PDS5A: variants seen among roughly 807,000 people sequenced by gnomAD.
The protein encoded by PDS5A is sister chromatid cohesion protein PDS5 homolog A.
PDS5A carries 42 observed loss-of-function variants against 167.1 expected under a neutral mutation model. The ratio of observed to expected loss-of-function variants is 0.25; its 90% CI spans 0.20 to 0.33. The LOEUF is 0.33. PDS5A is among the 10% of genes least tolerant of loss of function. The pLI is 1.00. For missense variants in PDS5A, 1,033 were observed against 1,605.9 expected (o/e 0.64, Z 6.10); for synonymous variants, 553 against 554.6 (o/e 1.00, Z 0.04).
At chr4:39,976,990 G>A (rs536856058) in intron 1 of PDS5A, among the ~76,000 whole-genome samples, 20 of 152,246 alleles carry the variant, frequency 1.3e-4, no homozygotes, top group African/African-American at 4.6e-4. Context: ...GTCCCGCCCG[G>A]CCAGTCCCCT....
At chr4:39,948,430 A>G (rs901255093) in intron 2 of PDS5A, among the ~76,000 whole-genome samples, 1 of 145,846 alleles carries the variant, frequency 6.9e-6, no homozygotes, top group East Asian at 2.0e-4. Flanking sequence ...GGTTCAAGCA[A>G]TTCTCTGCCT....
chr4:39,941,305 A>T (rs1296623178), intron 2 of PDS5A, among the ~76,000 whole-genome samples: 1 of 152,222 alleles, frequency 6.6e-6, no homozygotes, highest in African/African-American at 2.4e-5. Context: ...AAAACTTTAC[A>T]TGTATACCAA....
chr4:39,881,514 A>C (rs1054631337), intron 17 of PDS5A, among the ~76,000 whole-genome samples: 11 of 152,212 alleles, frequency 7.2e-5, no homozygotes, highest in African/African-American at 2.7e-4. Flanking sequence ...AACATTAAAA[A>C]AACAAATTGC....
At chr4:39,829,146 T>C (rs941724064) in intron 32 of PDS5A, among the ~76,000 whole-genome samples, 16 of 152,208 alleles carry the variant, frequency 1.1e-4, no homozygotes, top group African/African-American at 3.4e-4. Flanking sequence ...AGTTAGTTGG[T>C]TGAAACTGTA....
At chr4:39,905,410 T>G (rs931651754) in intron 11 of PDS5A, among the ~76,000 whole-genome samples, 1 of 150,080 alleles carries the variant, frequency 6.7e-6, no homozygotes, top group Non-Finnish European at 1.5e-5. Context: ...ACACAAAAAT[T>G]AGCCGGGCAT....
At chr4:39,883,712 T>A (rs772696937) in intron 17 of PDS5A, among the ~76,000 whole-genome samples, 1 of 152,122 alleles carries the variant, frequency 6.6e-6, no homozygotes, top group Non-Finnish European at 1.5e-5. Flanking sequence ...CTCAGCTCAC[T>A]GCAATCTCTG....
chr4:39,842,168 G>A, intron 30 of PDS5A, 112 bp from the exon 31 acceptor site: 1 of 644,534 alleles, frequency 1.6e-6, no homozygotes. Context: ...GACAATTGAA[G>A]CAACAATAGC....
At chr4:39,974,219 C>G in intron 2 of PDS5A, 1 of 568,792 alleles carries the variant, frequency 1.8e-6, no homozygotes, top group East Asian at 4.7e-5. Flanking sequence ...CAGACCTCAT[C>G]CATTCCAATA....
At position 39,862,487 on chromosome 4, in the gene PDS5A, TTTC is replaced by T. The variant is rs1719080137; in HGVS notation, c.2972-157_2972-155del. On this transcript the variant is annotated intron_variant, in intron 25 of 32. Transcript: ENST00000303538. Reference sequence around the variant, plus strand: ...AAATACTTTACACTTCACTTTTCAATTTCTTTTTCTGGTACCTGGTATGCAGTT... The same window carrying T: ...AAATACTTTACACTTCACTTTTCAATTTTTTCTGGTACCTGGTATGCAGTT... Among the ~76,000 whole-genome samples the T allele has an allele frequency of 2.0e-5, 3 of 152,342 alleles. No homozygotes were observed. In the South Asian group the frequency reaches 6.2e-4, roughly 32 times the overall value.
chr4:39,898,152 C>G, intron 16 of PDS5A: 1 of 1,219,960 alleles, frequency 8.2e-7, no homozygotes, highest in Non-Finnish European at 1.0e-6. Flanking sequence ...AGTACTTTAT[C>G]TTGTAAAATT....
chr4:39,867,569 A>G (rs1485233139), intron 22 of PDS5A, among the ~76,000 whole-genome samples: 2 of 150,872 alleles, frequency 1.3e-5, no homozygotes, highest in African/African-American at 4.9e-5. Context: ...AAAAAAAAAA[A>G]ATTAGTCAGG....
chr4:39,928,735 G>A (rs999736806), intron 2 of PDS5A, among the ~76,000 whole-genome samples: 3 of 151,824 alleles, frequency 2.0e-5, no homozygotes, highest in Admixed American at 2.0e-4. Flanking sequence ...TGAGATAGGA[G>A]GGTCCCTTGA....
intron 30 of PDS5A, among the ~76,000 whole-genome samples, chr4:39,843,638 A>G (rs1025156562): frequency 6.6e-6 from 1 of 152,122 alleles, no homozygotes; most frequent in South Asian, 2.1e-4. Flanking sequence ...CAGGAGGTGG[A>G]GGTTGCCGTG....
At chr4:39,927,207 G>A (rs76487136) in intron 3 of PDS5A, among the ~76,000 whole-genome samples, 1 of 152,148 alleles carries the variant, frequency 6.6e-6, no homozygotes, top group Non-Finnish European at 1.5e-5. Flanking sequence ...ATTTTAAGGA[G>A]TTGGATATGA....
chr4:39,947,756 T>C lies in PDS5A; in HGVS notation c.139-19592A>G, dbSNP rs111372321. The stretch of plus-strand genomic sequence containing the variant: ...ACCAAGCTTGTTTATAAGAACCCAC[T>C]TTTTGGGTAACTAATCCAGTCCCAG... On this transcript the variant is annotated intron_variant, in intron 2 of 32. Coordinates refer to ENST00000303538, the MANE Select transcript of PDS5A (RefSeq NM_001100399.2). 2.5e-3 allele frequency among the ~76,000 whole-genome samples: 383 copies of C among 152,226 alleles called. 2 individuals are homozygous for C. Among genetic ancestry groups the C allele is most frequent in the African/African-American group, 8.4e-3 (351 of 41,540 alleles).
chr4:39,940,347 T>A (rs1201284482), intron 2 of PDS5A, among the ~76,000 whole-genome samples: 2 of 151,866 alleles, frequency 1.3e-5, no homozygotes, highest in African/African-American at 4.8e-5. Context: ...AGGAAGAAGC[T>A]TATGATTGAG....
chr4:39,970,790 CTTTTTT>C (rs35223238), intron 2 of PDS5A, among the ~76,000 whole-genome samples: 3 of 88,490 alleles, frequency 3.4e-5, no homozygotes, highest in Non-Finnish European at 6.2e-5. Flanking sequence ...CCGCTTGTTC[CTTTTTT>C]TTTTTTTTTT....
At chr4:39,963,020 T>C (rs1484390798) in intron 2 of PDS5A, among the ~76,000 whole-genome samples, 2 of 150,608 alleles carry the variant, frequency 1.3e-5, no homozygotes, top group African/African-American at 4.9e-5. Context: ...TTTACCACAA[T>C]TAAAAAAAAA....
intron 19 of PDS5A, among the ~76,000 whole-genome samples, chr4:39,875,456 T>C (rs1450988122): frequency 6.6e-6 from 1 of 152,168 alleles, no homozygotes; most frequent in Non-Finnish European, 1.5e-5. Flanking sequence ...TTGTCATATA[T>C]TTAATGTTAT....
Sources: allele counts gnomAD v4.1 joint callset (sites outside exome capture counted in the v4.1 genomes callset), GRCh38; gene constraint gnomAD v4.1.1; transcripts MANE v1.5; gene names NCBI Gene and HGNC (gene_info 2026-07-23, HGNC 2026-07-21).